PLXNA4: variants seen among roughly 807,000 people sequenced by gnomAD.
The protein encoded by PLXNA4 is plexin-A4.
Under a neutral mutation model 191.8 loss-of-function variants are expected in PLXNA4, and 44 were observed. The ratio of observed to expected loss-of-function variants is 0.23; its 90% CI spans 0.18 to 0.29. The LOEUF is 0.29. Ranked by LOEUF, PLXNA4 falls within the 10% of genes least tolerant of loss-of-function variation. The pLI is 1.00. For missense variants in PLXNA4, 1,800 were observed against 2,488.8 expected (o/e 0.72, Z 5.89); for synonymous variants, 1,082 against 1,009.5 (o/e 1.07, Z -1.36).
In PLXNA4 at chr7:132,140,645, G is replaced by A; in HGVS notation, c.5392C>T (p.Leu1798=). ...CTGGGGATGTCCTTGGCATACAGCA[G>A]CTTGTTGGAGGGCGAGTCCTTGCCC... ...RLGKDSPSNK[L]LYAKDIPSYK... is the part of the protein sequence containing the mutation. Residue 1798 remains leucine, a synonymous_variant, in exon 30 of 32, where the codon CTG becomes TTG. Coordinates refer to ENST00000321063, the MANE Select transcript of PLXNA4 (RefSeq NM_020911.2). The A allele has an allele frequency of 6.2e-7, 1 of 1,614,158 alleles. No individual in the cohort carries two copies. The highest frequency in any genetic ancestry group is 8.5e-7 in the Non-Finnish European group (1 of 1,180,032).
intron 30 of PLXNA4, among the ~76,000 whole-genome samples, chr7:132,133,521 G>T (rs547534271): frequency 7.9e-5 from 12 of 152,158 alleles, no homozygotes; most frequent in Non-Finnish European, 1.6e-4. Flanking sequence ...CACACAGAGA[G>T]GTCTAGACTG....
intron 3 of PLXNA4, chr7:132,384,689 G>A: frequency 9.9e-7 from 1 of 1,006,412 alleles, no homozygotes. Flanking sequence ...GCAGTACGGT[G>A]GGCTCCATCC....
At chr7:132,566,352 C>A (rs953244575) in intron 1 of PLXNA4, among the ~76,000 whole-genome samples, 1 of 152,142 alleles carries the variant, frequency 6.6e-6, no homozygotes, top group Admixed American at 6.5e-5. Flanking sequence ...GAATGCCAGG[C>A]AGTGAAAACG....
intron 3 of PLXNA4, among the ~76,000 whole-genome samples, chr7:132,479,104 T>C (rs1797239982): frequency 6.6e-6 from 1 of 151,856 alleles, no homozygotes; most frequent in African/African-American, 2.4e-5. Context: ...CCCATCTCTA[T>C]AAAAAATGTT....
At chr7:132,434,078 G>A (rs1252957163) in intron 3 of PLXNA4, among the ~76,000 whole-genome samples, 6 of 152,192 alleles carry the variant, frequency 3.9e-5, no homozygotes, top group Admixed American at 3.9e-4. Context: ...GCCCACCACT[G>A]CGCAGCCTTG....
intron 1 of PLXNA4, among the ~76,000 whole-genome samples, chr7:132,555,851 G>A (rs557218643): frequency 6.6e-6 from 1 of 152,094 alleles, no homozygotes; most frequent in East Asian, 1.9e-4. Context: ...TTGCATCAGA[G>A]TCTACACTGT....
chr7:132,311,801 G>A (rs1396964672), intron 3 of PLXNA4, among the ~76,000 whole-genome samples: 1 of 152,186 alleles, frequency 6.6e-6, no homozygotes, highest in Non-Finnish European at 1.5e-5. Flanking sequence ...GGTGAGGCAT[G>A]TGAATAGTTT....
intron 9 of PLXNA4, among the ~76,000 whole-genome samples, chr7:132,211,928 CAGA>C (rs1797815963): frequency 6.6e-6 from 1 of 152,128 alleles, no homozygotes; most frequent in Non-Finnish European, 1.5e-5. Context: ...ATAAGGAGGT[CAGA>C]AGAAGGAGGG....
chr7:132,495,220 GC>G (rs1181189679), intron 2 of PLXNA4, among the ~76,000 whole-genome samples: 1 of 152,112 alleles, frequency 6.6e-6, no homozygotes, highest in Non-Finnish European at 1.5e-5. Context: ...GCCCTGGCTT[GC>G]CCCACCTTTG....
chr7:132,642,095 TG>T (rs1750958210), intron 2 of PLXNA4, among the ~76,000 whole-genome samples: 1 of 152,136 alleles, frequency 6.6e-6, no homozygotes, highest in South Asian at 2.1e-4. Flanking sequence ...AATTGCAAAG[TG>T]TGACAGAAAA....
At chr7:132,147,105 G>A (rs113052808) in intron 27 of PLXNA4, among the ~76,000 whole-genome samples, 4 of 152,146 alleles carry the variant, frequency 2.6e-5, no homozygotes, top group African/African-American at 4.8e-5. Flanking sequence ...CTCAATAACC[G>A]CTGATCGGAT....
chr7:132,211,071 C>T lies in PLXNA4; in HGVS notation c.2170G>A (p.Ala724Thr), dbSNP rs1398761403. ...VEVIKPITLK[A>T]KNLPQPQSGQ... ...GACTGGGGCTGGGGGAGGTTCTTGG[C>T]CTTCAGCGTGATAGGCTTGATCACC... The change falls in exon 10 of 32, where the codon GCC becomes ACC. Residue 724 changes from alanine to threonine, a missense_variant. Coordinates refer to ENST00000321063, the MANE Select transcript of PLXNA4 (RefSeq NM_020911.2). 6.2e-7 allele frequency: 1 copy of T among 1,607,776 alleles called. No homozygotes were observed. The highest frequency in any genetic ancestry group is 1.7e-5 in the Admixed American group (1 of 59,008).
At chr7:132,179,499 G>GCA (rs375260363) in intron 20 of PLXNA4, among the ~76,000 whole-genome samples, 188 bp downstream of exon 20, 1 of 134,790 alleles carries the variant, frequency 7.4e-6, no homozygotes, top group African/African-American at 2.9e-5. Flanking sequence ...ATACAGATGT[G>GCA]CACACACACA....
intron 5 of PLXNA4, among the ~76,000 whole-genome samples, chr7:132,230,557 C>G (rs1233302484): frequency 1.3e-5 from 2 of 152,170 alleles, no homozygotes; most frequent in African/African-American, 4.8e-5. Context: ...CCTTGCTGCT[C>G]CAGCTGACCG....
At chr7:132,626,825 C>A (rs1457603717) in intron 2 of PLXNA4, among the ~76,000 whole-genome samples, 1 of 152,166 alleles carries the variant, frequency 6.6e-6, no homozygotes. Flanking sequence ...TGCATCTCAG[C>A]CCAACCCAGG....
At chr7:132,209,659 T>C (rs1174482826) in intron 10 of PLXNA4, among the ~76,000 whole-genome samples, 12 of 152,110 alleles carry the variant, frequency 7.9e-5, no homozygotes. Context: ...GGCAAGTGTG[T>C]GGGCCTCTCT....
rs571377395 is a variant in PLXNA4, at chr7:132,615,238, G to GT, written c.-87+30689dup. Among the ~76,000 whole-genome samples the GT allele has an allele frequency of 1.8e-3, 267 of 152,270 alleles. 1 individual carries two copies. The highest frequency in any genetic ancestry group is 3.3e-3 in the Non-Finnish European group (226 of 68,012). ...GAGGGGGGTTCGGGAGATGGCTGAG[G>GT]TTTTGAGCCTGTGGCTGGGAAAGTG... On this transcript the variant is annotated intron_variant, in intron 2 of 4. Transcript: ENST00000378539.
At chr7:132,195,697 G>T (rs1258606133) in intron 13 of PLXNA4, among the ~76,000 whole-genome samples, 1 of 152,200 alleles carries the variant, frequency 6.6e-6, no homozygotes, top group Non-Finnish European at 1.5e-5. Context: ...TTTCACATGG[G>T]TGTGTTTTTA....
intron 3 of PLXNA4, among the ~76,000 whole-genome samples, chr7:132,310,147 GA>G (rs1230427143): frequency 6.6e-6 from 1 of 152,222 alleles, no homozygotes; most frequent in Non-Finnish European, 1.5e-5. Context: ...GGACTTTTCA[GA>G]CTTGCTTAGC....
Sources: gnomAD v4.1 joint callset for allele counts (sites outside exome capture counted in the v4.1 genomes callset) on GRCh38, gnomAD v4.1.1 for gene constraint, MANE v1.5 for transcripts, NCBI Gene and HGNC (gene_info 2026-07-23, HGNC 2026-07-21) for gene names.